The following ST6GAL1 variants were observed in gnomAD, a reference collection of about 807,000 sequenced individuals.
The protein encoded by ST6GAL1 is ST6 beta-galactoside alpha-2,6-sialyltransferase 1, also known as beta-galactoside alpha-2,6-sialyltransferase 1.
A neutral mutation model predicts 38.0 loss-of-function variants in ST6GAL1; 20 were observed. The observed-to-expected ratio is 0.53, with a 90% CI of 0.37 to 0.77. The LOEUF (loss-of-function observed/expected upper bound fraction) is 0.77, where lower values mean the gene tolerates loss of function less well. Ranked by LOEUF, ST6GAL1 falls within the 30% of genes least tolerant of loss-of-function variation. ST6GAL1 has a pLI of 0.00. For missense variants in ST6GAL1, 432 were observed against 496.4 expected (o/e 0.87, Z 1.23); for synonymous variants, 196 against 188.2 (o/e 1.04, Z -0.34).
chr3:186,964,971 G>A (rs553892244), intron 2 of ST6GAL1, among the ~76,000 whole-genome samples: 1 of 152,288 alleles, frequency 6.6e-6, no homozygotes, highest in Admixed American at 6.5e-5. Flanking sequence ...ACAATCGTGA[G>A]GGTCCCATAA....
At chr3:187,017,561 TC>T (rs1222541112) in intron 2 of ST6GAL1, among the ~76,000 whole-genome samples, 13 of 152,180 alleles carry the variant, frequency 8.5e-5, no homozygotes. Context: ...TCCTCCATGT[TC>T]CCTTCCCCTT....
intron 2 of ST6GAL1, among the ~76,000 whole-genome samples, chr3:187,007,984 CA>C (rs59254550): frequency 0.76 from 115,679 of 151,546 alleles, 44,317 homozygotes; most frequent in East Asian, 0.9. Flanking sequence ...CATTATGAAA[CA>C]AAAAAAAATT....
At chr3:186,990,579 CT>C (rs1445416587) in intron 2 of ST6GAL1, among the ~76,000 whole-genome samples, 1 of 151,720 alleles carries the variant, frequency 6.6e-6, no homozygotes, top group East Asian at 1.9e-4. Flanking sequence ...GGAGAGTTCT[CT>C]ACCTCACCTC....
rs1285976864 is a variant in ST6GAL1 at position 186,930,599 on chromosome 3, C to T, written c.-560C>T. On this transcript the variant is annotated 5_prime_UTR_variant, in exon 1 of 8. Coordinates refer to ENST00000169298, the MANE Select transcript of ST6GAL1 (RefSeq NM_173216.2). ...CCCCGTTCTTCCCCAGCGGACCCCT[C>T]TTTCGAGACTCCCTAGTGGGGTCCC... is the stretch of plus-strand genomic sequence containing the variant. 2.0e-5 allele frequency: 3 copies of T among 152,692 alleles called. No homozygotes were observed. The highest frequency in any genetic ancestry group is 6.5e-5 in the Admixed American group (1 of 15,294). 9.5% of individuals were successfully genotyped at this position (152,692 alleles called of 1,614,324 possible). A position where few individuals can be genotyped will look rare whatever the true frequency, so the allele number is the denominator to read the frequency against.
intron 2 of ST6GAL1, among the ~76,000 whole-genome samples, chr3:186,977,659 C>G (rs1235386239): frequency 6.6e-6 from 1 of 152,158 alleles, no homozygotes; most frequent in Non-Finnish European, 1.5e-5. Flanking sequence ...CACAGCCGTC[C>G]TCTGAGCGCC....
At chr3:187,063,755 C>T (rs923360775) in intron 5 of ST6GAL1, among the ~76,000 whole-genome samples, 1 of 152,202 alleles carries the variant, frequency 6.6e-6, no homozygotes, top group African/African-American at 2.4e-5. Context: ...GTAAGGTTGC[C>T]TGGGAATTAA....
chr3:186,941,856 C>CA (rs949302045), intron 1 of ST6GAL1, among the ~76,000 whole-genome samples: 9 of 152,064 alleles, frequency 5.9e-5, no homozygotes, highest in Admixed American at 1.3e-4. Context: ...ACTAAAAATA[C>CA]AAAAAATTAG....
At chr3:186,973,470 C>A (rs1056514321) in intron 2 of ST6GAL1, among the ~76,000 whole-genome samples, 1 of 152,210 alleles carries the variant, frequency 6.6e-6, no homozygotes, top group African/African-American at 2.4e-5. Context: ...AGATTTTCAA[C>A]CCCCTGCCTG....
chr3:187,059,894 G>A (rs1004952294), intron 5 of ST6GAL1, among the ~76,000 whole-genome samples: 1 of 152,196 alleles, frequency 6.6e-6, no homozygotes, highest in Non-Finnish European at 1.5e-5. Context: ...CAAGGTACTA[G>A]GAGAGCCCTG....
intron 6 of ST6GAL1, chr3:187,073,723 C>T (rs1262410016): frequency 6.5e-6 from 1 of 154,352 alleles, no homozygotes; most frequent in Non-Finnish European, 1.4e-5. Context: ...CACTATCTGA[C>T]TTTCAACAGT....
intron 2 of ST6GAL1, among the ~76,000 whole-genome samples, chr3:187,008,845 CT>C (rs1560161002): frequency 6.6e-6 from 1 of 151,804 alleles, no homozygotes; most frequent in East Asian, 1.9e-4. Context: ...TTCTCTTTTT[CT>C]TTTTTGGTTT....
At chr3:186,963,284 G>T (rs2108526963) in intron 1 of ST6GAL1, among the ~76,000 whole-genome samples, 1 of 152,304 alleles carries the variant, frequency 6.6e-6, no homozygotes, top group East Asian at 1.9e-4. Context: ...GAGTGCAGTG[G>T]CACGATCTTG....
chr3:186,977,894 A>T (rs142352945), intron 2 of ST6GAL1, among the ~76,000 whole-genome samples: 91 of 152,284 alleles, frequency 6.0e-4, no homozygotes, highest in African/African-American at 2.0e-3. Context: ...AGTGAATGGG[A>T]CTTGTTATTG....
chr3:187,035,436 A>G (rs188898740), intron 2 of ST6GAL1, among the ~76,000 whole-genome samples: 7 of 152,314 alleles, frequency 4.6e-5, no homozygotes, highest in Admixed American at 3.3e-4. Context: ...AAAAGAGTAC[A>G]AATAACTAAA....
chr3:186,987,157 G>T (rs996720207), intron 2 of ST6GAL1, among the ~76,000 whole-genome samples: 2 of 123,288 alleles, frequency 1.6e-5, no homozygotes, highest in Admixed American at 1.9e-4. Flanking sequence ...AGGGAGGGAG[G>T]GAGGAAGAAA....
chr3:186,998,972 G>A (rs571717470), intron 2 of ST6GAL1, among the ~76,000 whole-genome samples: 78 of 152,358 alleles, frequency 5.1e-4, no homozygotes, highest in Non-Finnish European at 7.1e-4. Context: ...TGGGGGGCAC[G>A]AAGCTGGAAA....
intron 5 of ST6GAL1, among the ~76,000 whole-genome samples, chr3:187,071,224 CCT>C (rs1182833602): frequency 6.6e-6 from 1 of 152,096 alleles, no homozygotes. Flanking sequence ...GCCATTTATT[CCT>C]CTCAATTTTT....
intron 1 of ST6GAL1, among the ~76,000 whole-genome samples, chr3:186,959,165 G>A (rs752064965): frequency 4.9e-4 from 74 of 152,236 alleles, no homozygotes; most frequent in Middle Eastern, 3.4e-3. Context: ...TATGGCAATG[G>A]CAGAAGAGCT....
intron 2 of ST6GAL1, among the ~76,000 whole-genome samples, chr3:186,999,465 G>A (rs1341978772): frequency 6.7e-6 from 1 of 148,926 alleles, no homozygotes; most frequent in African/African-American, 2.5e-5. Flanking sequence ...AGACTGGAGT[G>A]CAGTGGCACG....
Sources: allele counts gnomAD v4.1 joint callset (sites outside exome capture counted in the v4.1 genomes callset), GRCh38; gene constraint gnomAD v4.1.1; transcripts MANE v1.5; gene names NCBI Gene and HGNC (gene_info 2026-07-23, HGNC 2026-07-21).